LRRC4B: variants seen among roughly 807,000 people sequenced by gnomAD.
LRRC4B encodes the protein leucine rich repeat containing 4B.
A neutral mutation model predicts 7.3 loss-of-function variants in LRRC4B; 1 was observed. The observed-to-expected ratio is 0.14, with a 90% CI of 0.05 to 0.65. The LOEUF is 0.65. Among genes scored for constraint, LRRC4B ranks in the 30% least tolerant of loss-of-function variants. The pLI, the probability that LRRC4B is intolerant of heterozygous loss-of-function variation, is 0.84. For missense variants in LRRC4B, 730 were observed against 1,041.6 expected (o/e 0.70, Z 4.12); for synonymous variants, 500 against 499.2 (o/e 1.00, Z -0.02).
intron 1 of LRRC4B, chr19:50,557,685 G>A (rs1982324206): frequency 6.6e-6 from 1 of 152,022 alleles, no homozygotes; most frequent in South Asian, 2.1e-4. Context: ...TTCAGAAGAG[G>A]GCTGGGAGGG....
At chr19:50,523,659 T>C (rs992047454) in intron 2 of LRRC4B, among the ~76,000 whole-genome samples, 2 of 126,054 alleles carry the variant, frequency 1.6e-5, no homozygotes, top group Non-Finnish European at 3.3e-5. Context: ...TGAGACTCCA[T>C]CTTAAAAACA....
At chr19:50,520,153 C>G (rs568618745) in intron 2 of LRRC4B, among the ~76,000 whole-genome samples, 9 of 114,444 alleles carry the variant, frequency 7.9e-5, no homozygotes, top group African/African-American at 3.0e-4. Context: ...CTGCAGTGAG[C>G]CCTGATCACG....
At chr19:50,542,970 C>T (rs567936843) in intron 2 of LRRC4B, among the ~76,000 whole-genome samples, 4 of 152,226 alleles carry the variant, frequency 2.6e-5, no homozygotes, top group East Asian at 1.9e-4. Flanking sequence ...CTGCCCACAC[C>T]GCACCCAGGC....
chr19:50,542,594 A>G (rs1490606566), intron 2 of LRRC4B, among the ~76,000 whole-genome samples: 1 of 147,706 alleles, frequency 6.8e-6, no homozygotes, highest in Non-Finnish European at 1.5e-5. Flanking sequence ...CTCCTTCCTC[A>G]GCCTCCCAAG....
At chr19:50,538,559 GTTTTTTTT>G (rs71886675) in intron 2 of LRRC4B, among the ~76,000 whole-genome samples, 1 of 90,324 alleles carries the variant, frequency 1.1e-5, no homozygotes, top group Admixed American at 1.2e-4. Flanking sequence ...GTTTTGTCTT[GTTTTTTTT>G]TTTTTTTTTT....
In LRRC4B at chr19:50,519,518, C is replaced by CGTGCT; in HGVS notation, c.298-108_298-104dup. Reference sequence around the variant, plus strand: ...GGTGGGGCCGTGTGGCTGGATCTCCCGTGCTGTGCTGTGACGGTACGACCT... The same window carrying CGTGCT: ...GGTGGGGCCGTGTGGCTGGATCTCCCGTGCTGTGCTGTGCTGTGACGGTACGACCT... On this transcript the variant is annotated intron_variant, in intron 2 of 2. Coordinates refer to ENST00000652263, the MANE Select transcript of LRRC4B (RefSeq NM_001080457.2). The surrounding 1 kb of genome is among the most constrained non-coding windows in gnomAD (Gnocchi z 8.1). 6.9e-7 allele frequency: 1 copy of CGTGCT among 1,445,442 alleles called. No individual in the cohort carries two copies. The highest frequency in any genetic ancestry group is 9.1e-7 in the Non-Finnish European group (1 of 1,103,886). The allele number at this position is 1,445,442 out of a possible 1,614,324, so 89.5% of individuals were successfully genotyped here.
In LRRC4B at chr19:50,568,435, T is replaced by C. The variant is rs964392531; in HGVS notation, c.-527A>G. The stretch of plus-strand genomic sequence containing the variant: ...AGCGGCGGAGACGGGAGCGGAATAC[T>C]GATGATGGTGGGAGCGGGCGGGCGG... On this transcript the variant is annotated 5_prime_UTR_variant, in exon 1 of 3. Coordinates refer to ENST00000652263, the MANE Select transcript of LRRC4B (RefSeq NM_001080457.2). Among the ~76,000 whole-genome samples the C allele has an allele frequency of 7.7e-6, 1 of 130,464 alleles. No homozygotes were observed. The highest frequency in any genetic ancestry group is 1.6e-5 in the Non-Finnish European group (1 of 62,098). 85.6% of individuals were successfully genotyped at this position (130,464 alleles called of 152,430 possible). A position where few individuals can be genotyped will look rare whatever the true frequency, so the allele number is the denominator to read the frequency against.
intron 2 of LRRC4B, among the ~76,000 whole-genome samples, chr19:50,532,779 G>A (rs530379807): frequency 1.3e-5 from 2 of 152,320 alleles, no homozygotes; most frequent in Non-Finnish European, 2.9e-5. Context: ...GCTATGCAAG[G>A]CCAAATTCGT....
Position 50,548,704 on chromosome 19 carries a change from A to G in LRRC4B, c.135T>C (p.Ser45=), listed in dbSNP as rs1212643975. 5.8e-6 allele frequency: 9 copies of G among 1,544,352 alleles called. No individual in the cohort carries two copies. The highest frequency in any genetic ancestry group is 1.4e-5 in the African/African-American group (1 of 73,306). The change falls in exon 2 of 3, where the codon TCT becomes TCC. Residue 45 remains serine (S), a synonymous_variant. Transcript: ENST00000652263. The surrounding 1 kb of genome is among the most constrained non-coding windows in gnomAD (Gnocchi z 6.8). Reference sequence around the variant, plus strand: ...CCGGCGGGGAGCCCCCTCCGGCGGCAGACGTCACGGCCACTCCACCTCCAC... The same window carrying G: ...CCGGCGGGGAGCCCCCTCCGGCGGCGGACGTCACGGCCACTCCACCTCCAC... ...GAGGGGVAVT[S]AAGGGSPPAT...
intron 2 of LRRC4B, among the ~76,000 whole-genome samples, chr19:50,529,402 C>T (rs1002253983): frequency 7.2e-5 from 11 of 152,090 alleles, no homozygotes; most frequent in African/African-American, 2.4e-4. Context: ...AGCAGGCACT[C>T]GGTTGCTATT....
intron 2 of LRRC4B, among the ~76,000 whole-genome samples, chr19:50,541,552 G>A (rs1179941186): frequency 9.2e-5 from 14 of 152,018 alleles, no homozygotes; most frequent in Admixed American, 8.5e-4. Context: ...ACTTCTAAAC[G>A]TTGGTAGTCG....
rs1982154625 is a variant in LRRC4B at position 50,553,014 on chromosome 19, C to T, written c.-35-4141G>A. Among the ~76,000 whole-genome samples, 1 of 152,212 alleles carries T rather than the reference C, an allele frequency of 6.6e-6. No individual in the cohort carries two copies. The highest frequency in any genetic ancestry group is 2.1e-4 in the South Asian group (1 of 4,826). On this transcript the variant is annotated intron_variant, in intron 1 of 2. Coordinates refer to ENST00000652263, the MANE Select transcript of LRRC4B (RefSeq NM_001080457.2). This position sits in a 1 kb window ranked among gnomAD's most constrained non-coding sequence, Gnocchi z 4.2. ...AGCTGCAGTTCCCTCCACTGTGAAA[C>T]AGGGATAATGGGAGTATCTGCCTCC...
At position 50,548,518 on chromosome 19, in the gene LRRC4B, C is replaced by T. The variant is rs1981909233; in HGVS notation, c.297+24G>A. 6.4e-7 allele frequency: 1 copy of T among 1,574,478 alleles called. No homozygotes were observed. Among genetic ancestry groups the T allele is most frequent in the Non-Finnish European group, 8.6e-7 (1 of 1,167,708 alleles). On this transcript the variant is annotated intron_variant, in intron 2 of 2. Transcript: ENST00000652263. The surrounding 1 kb of genome is among the most constrained non-coding windows in gnomAD (Gnocchi z 6.8). ...TCCCCAGTGTCCCCTCCAAGGTCCC[C>T]CTCTGCCCGCTGGCCCCGCATACCT...
Position 50,548,634 on chromosome 19 carries a change from G to T in LRRC4B, c.205C>A (p.Arg69=). Residue 69 remains arginine (R), a synonymous_variant, in exon 2 of 3, where the codon CGG becomes AGG. Coordinates refer to ENST00000652263, the MANE Select transcript of LRRC4B (RefSeq NM_001080457.2). The surrounding 1 kb of genome is among the most constrained non-coding windows in gnomAD (Gnocchi z 6.8). The part of the protein sequence containing the change: ...VACSCSNQAS[R]VICTRRDLAE... Reference sequence around the variant, plus strand: ...AGGTCTCTCCGTGTGCAGATCACCCGGCTGGCCTGGTTGCTGCAGGAGCAG... The same window carrying T: ...AGGTCTCTCCGTGTGCAGATCACCCTGCTGGCCTGGTTGCTGCAGGAGCAG... 4 of 1,586,042 alleles carry T rather than the reference G, an allele frequency of 2.5e-6. No homozygotes were observed.
intron 1 of LRRC4B, among the ~76,000 whole-genome samples, chr19:50,551,196 G>GGCTT (rs1982043709): frequency 6.6e-6 from 1 of 151,620 alleles, no homozygotes. Context: ...TCACCCTGGT[G>GGCTT]GCTTGGCTTC....
intron 2 of LRRC4B, among the ~76,000 whole-genome samples, chr19:50,536,135 T>G (rs576900229): frequency 7.1e-6 from 1 of 140,782 alleles, no homozygotes; most frequent in Non-Finnish European, 1.5e-5. Flanking sequence ...TTGTTTACCT[T>G]CCTTTTTTTT....
At chr19:50,530,180 GTC>G (rs759412804) in intron 2 of LRRC4B, among the ~76,000 whole-genome samples, 2 of 152,052 alleles carry the variant, frequency 1.3e-5, no homozygotes, top group African/African-American at 2.4e-5. Context: ...CTGGGCTTCA[GTC>G]TCTCCCCTCC....
At chr19:50,543,861 A>AG (rs1424095623) in intron 2 of LRRC4B, among the ~76,000 whole-genome samples, 1 of 150,790 alleles carries the variant, frequency 6.6e-6, no homozygotes, top group Non-Finnish European at 1.5e-5. Flanking sequence ...TCAAAAAAAA[A>AG]AAAAAAAAAA....
chr19:50,529,160 G>A (rs78165780), intron 2 of LRRC4B, among the ~76,000 whole-genome samples: 1,825 of 152,094 alleles, frequency 0.012, 27 homozygotes, highest in African/African-American at 0.041. Context: ...CTCATTTCCC[G>A]GGACGCTAAA....
Sources: gnomAD v4.1 joint callset for allele counts (sites outside exome capture counted in the v4.1 genomes callset) on GRCh38, gnomAD v4.1.1 for gene constraint, Gnocchi (gnomAD v3.1) non-coding constraint, MANE v1.5 for transcripts, NCBI Gene and HGNC (gene_info 2026-07-23, HGNC 2026-07-21) for gene names.